CYLD: variants seen among roughly 807,000 people sequenced by gnomAD.
CYLD encodes the protein ubiquitin carboxyl-terminal hydrolase CYLD.
A neutral mutation model predicts 104.5 loss-of-function variants in CYLD; 26 were observed. That is an observed-to-expected ratio of 0.25 (90% CI 0.18 to 0.35). CYLD has a LOEUF of 0.35. Among genes scored for constraint, CYLD ranks in the 10% least tolerant of loss-of-function variants. The probability of loss-of-function intolerance (pLI) is 1.00; values close to 1 mark genes in which losing one functional copy is unlikely to be tolerated. For missense variants in CYLD, 703 were observed against 1,136.1 expected (o/e 0.62, Z 5.48); for synonymous variants, 385 against 399.9 (o/e 0.96, Z 0.45).
intron 2 of CYLD, among the ~76,000 whole-genome samples, chr16:50,745,654 T>C (rs759959353): frequency 2.0e-5 from 3 of 151,962 alleles, no homozygotes; most frequent in Non-Finnish European, 4.4e-5. Flanking sequence ...CTCCAGGGCT[T>C]AGGGGATCCT....
chr16:50,774,208 A>G (rs1303987388), intron 5 of CYLD, among the ~76,000 whole-genome samples: 1 of 152,182 alleles, frequency 6.6e-6, no homozygotes, highest in Non-Finnish European at 1.5e-5. Flanking sequence ...GGAAATTTAT[A>G]TGCTATAATT....
intron 5 of CYLD, among the ~76,000 whole-genome samples, chr16:50,766,780 GAGCT>G (rs1481173203): frequency 6.6e-6 from 1 of 152,176 alleles, no homozygotes; most frequent in Admixed American, 6.5e-5. Context: ...AGTAGCAAAA[GAGCT>G]AGAACTAGAG....
chr16:50,760,030 A>G (rs1169417734), intron 5 of CYLD, among the ~76,000 whole-genome samples: 1 of 152,242 alleles, frequency 6.6e-6, no homozygotes, highest in Non-Finnish European at 1.5e-5. Flanking sequence ...CCTTATGCAT[A>G]TCATCTAGAT....
chr16:50,797,210 A>T lies in CYLD; in HGVS notation c.*702A>T, dbSNP rs1191917345. ...GAGGATTAGGGTATTTAGCAGTTGAAGCTCTTCATTCATAGTAGTTACTGT... is the reference window on the plus strand; with the variant it reads ...GAGGATTAGGGTATTTAGCAGTTGATGCTCTTCATTCATAGTAGTTACTGT... On this transcript the variant is annotated 3_prime_UTR_variant, in exon 19 of 19. Transcript: ENST00000427738. 8.6e-6 allele frequency: 2 copies of T among 232,824 alleles called. No individual in the cohort carries two copies. Among genetic ancestry groups the T allele is most frequent in the Non-Finnish European group, 8.5e-6 (1 of 117,876 alleles). The allele number at this position is 232,824 out of a possible 1,614,324, so 14.4% of individuals were successfully genotyped here.
At chr16:50,781,473 A>C in intron 10 of CYLD, 62 bp downstream of exon 10, 9 of 1,565,436 alleles carry the variant, frequency 5.7e-6, no homozygotes, top group Admixed American at 1.7e-5. Flanking sequence ...ATCTCATATC[A>C]TGTTATATTA....
At chr16:50,753,746 A>G (rs60166717) in intron 4 of CYLD, among the ~76,000 whole-genome samples, 6,634 of 152,298 alleles carry the variant, frequency 0.044, 475 homozygotes, top group African/African-American at 0.15. Context: ...AGTTGGCACT[A>G]TATTAGAATA....
intron 3 of CYLD, 52 bp downstream of exon 3, chr16:50,750,254 CT>C: frequency 6.3e-7 from 1 of 1,592,356 alleles, no homozygotes; most frequent in South Asian, 1.1e-5. Context: ...TCATGTGTGT[CT>C]GTGTATTTGT....
In CYLD at chr16:50,786,837, AG is replaced by A. The variant is rs1970888867; in HGVS notation, c.1950-17del. On this transcript the variant is annotated splice_polypyrimidine_tract_variant and intron_variant, in intron 12 of 18. Coordinates refer to ENST00000427738, the MANE Select transcript of CYLD (RefSeq NM_001378743.1). ...TTAATACATGCCAATATCAATTAAT[AG>A]TTTTTTACTAACTTAGATATGGATA... 1 of 1,506,518 alleles carries A rather than the reference AG, an allele frequency of 6.6e-7. No homozygotes were observed. Among genetic ancestry groups the A allele is most frequent in the Admixed American group, 1.7e-5 (1 of 59,846 alleles). The allele number at this position is 1,506,518 out of a possible 1,614,324, so 93.3% of individuals were successfully genotyped here. A position where few individuals can be genotyped will look rare whatever the true frequency, so the allele number is the denominator to read the frequency against.
At position 50,800,203 on chromosome 16, in the gene CYLD, A is replaced by G. The variant is rs1199430580; in HGVS notation, c.*3695A>G. 4.3e-6 allele frequency: 1 copy of G among 232,946 alleles called. No individual in the cohort carries two copies. Among genetic ancestry groups the G allele is most frequent in the Non-Finnish European group, 8.5e-6 (1 of 117,936 alleles). The allele number at this position is 232,946 out of a possible 1,614,324, so 14.4% of individuals were successfully genotyped here. On this transcript the variant is annotated 3_prime_UTR_variant, in exon 19 of 19. Coordinates refer to ENST00000427738, the MANE Select transcript of CYLD (RefSeq NM_001378743.1). ...CTACTGAATTGTATGGGAAAAAAATACAAATTCCTGGGTCCTAGGCCATGC... is the reference window on the plus strand; with the variant it reads ...CTACTGAATTGTATGGGAAAAAAATGCAAATTCCTGGGTCCTAGGCCATGC...
chr16:50,787,768 T>A lies in CYLD; in HGVS notation c.2042-18T>A, dbSNP rs761885428. 2 of 1,458,610 alleles carry A rather than the reference T, an allele frequency of 1.4e-6. No individual in the cohort carries two copies. The highest frequency in any genetic ancestry group is 2.4e-5 in the South Asian group (2 of 83,944). The allele number at this position is 1,458,610 out of a possible 1,614,324, so 90.4% of individuals were successfully genotyped here. ...AAATTTTGCCTGTGACTTATTTGATTTTTAAATTTTCTCCTAGATCCTGAG... is the reference window on the plus strand; with the variant it reads ...AAATTTTGCCTGTGACTTATTTGATATTTAAATTTTCTCCTAGATCCTGAG... On this transcript the variant is annotated intron_variant, in intron 13 of 18. Coordinates refer to ENST00000427738, the MANE Select transcript of CYLD (RefSeq NM_001378743.1).
At chr16:50,747,894 A>G (rs1273227999) in intron 2 of CYLD, among the ~76,000 whole-genome samples, 1 of 152,200 alleles carries the variant, frequency 6.6e-6, no homozygotes, top group African/African-American at 2.4e-5. Flanking sequence ...CCTAACCTGT[A>G]TCCTGTCTTG....
rs903726337 is a variant in CYLD at position 50,796,847 on chromosome 16, C to T, written c.*339C>T. The T allele has an allele frequency of 4.8e-5, 18 of 378,328 alleles. No individual in the cohort carries two copies. In the East Asian group the frequency reaches 4.8e-4, roughly 10 times the overall value. 23.4% of individuals were successfully genotyped at this position (378,328 alleles called of 1,614,324 possible). On this transcript the variant is annotated 3_prime_UTR_variant, in exon 19 of 19. Transcript: ENST00000427738. Reference sequence around the variant, plus strand: ...TGGAAGTTTAAAGCCTCTTTTAGTCCATTGAGAATGTAAATAAATGTGTCT... The same window carrying T: ...TGGAAGTTTAAAGCCTCTTTTAGTCTATTGAGAATGTAAATAAATGTGTCT...
At chr16:50,771,551 CTG>C (rs1969151828) in intron 5 of CYLD, among the ~76,000 whole-genome samples, 1 of 152,096 alleles carries the variant, frequency 6.6e-6, no homozygotes, top group African/African-American at 2.4e-5. Context: ...CATGTGGTGA[CTG>C]TGTGTTTAGT....
In CYLD at chr16:50,799,127, T is replaced by G; in HGVS notation, c.*2619T>G. 4.3e-6 allele frequency: 1 copy of G among 233,444 alleles called. No individual in the cohort carries two copies. Among genetic ancestry groups the G allele is most frequent in the Non-Finnish European group, 8.5e-6 (1 of 118,050 alleles). The allele number at this position is 233,444 out of a possible 1,614,324, so 14.5% of individuals were successfully genotyped here. On this transcript the variant is annotated 3_prime_UTR_variant, in exon 19 of 19. Coordinates refer to ENST00000427738, the MANE Select transcript of CYLD (RefSeq NM_001378743.1). ...TTCAGCCTTAAGTTTTCTTTAATAT[T>G]TTCCTGTTGGCTATTTAAAGGTTTT...
At chr16:50,774,659 C>T (rs577959670) in intron 5 of CYLD, among the ~76,000 whole-genome samples, 14 of 152,066 alleles carry the variant, frequency 9.2e-5, no homozygotes, top group Non-Finnish European at 1.9e-4. Flanking sequence ...AGATGCTGGA[C>T]GGGGATGGGT....
chr16:50,757,460 T>C (rs994427769), intron 5 of CYLD, among the ~76,000 whole-genome samples: 1 of 152,224 alleles, frequency 6.6e-6, no homozygotes, highest in African/African-American at 2.4e-5. Context: ...TTGCTTCCCT[T>C]TGGGAACAAA....
chr16:50,787,374 A>G (rs1970955539), intron 13 of CYLD: 1 of 269,262 alleles, frequency 3.7e-6, no homozygotes. Context: ...CTTCCTAGCT[A>G]ATGGGCTTAC....
chr16:50,755,161 AC>A lies in CYLD; in HGVS notation c.913+738del, dbSNP rs1967040526. On this transcript the variant is annotated intron_variant, in intron 5 of 18. Transcript: ENST00000427738. ...CGTGTACATATGTGTGTATATACACACGTGTACATATGTGTGTGTATATACA... is the reference window on the plus strand; with the variant it reads ...CGTGTACATATGTGTGTATATACACAGTGTACATATGTGTGTGTATATACA... 1.4e-5 allele frequency among the ~76,000 whole-genome samples: 2 copies of A among 140,810 alleles called. 1 individual carries two copies. Among genetic ancestry groups the A allele is most frequent in the South Asian group, 4.3e-4 (2 of 4,684 alleles). The allele number at this position is 140,810 out of a possible 152,430, so 92.4% of individuals were successfully genotyped here. A position where few individuals can be genotyped will look rare whatever the true frequency, so the allele number is the denominator to read the frequency against.
At position 50,757,944 on chromosome 16, in the gene CYLD, C is replaced by G. The variant is rs553659690; in HGVS notation, c.913+3520C>G. ...GTTTACAAAACAGTTTAATAAAAGG[C>G]CATTCCTTCATTCAAATATTATTAA... On this transcript the variant is annotated intron_variant, in intron 5 of 18. Coordinates refer to ENST00000427738, the MANE Select transcript of CYLD (RefSeq NM_001378743.1). Among the ~76,000 whole-genome samples, 8 of 152,226 alleles carry G rather than the reference C, an allele frequency of 5.3e-5. No homozygotes were observed. In the East Asian group the frequency reaches 1.5e-3, roughly 29 times the overall value.
Sources: allele counts gnomAD v4.1 joint callset (sites outside exome capture counted in the v4.1 genomes callset), GRCh38; gene constraint gnomAD v4.1.1; transcripts MANE v1.5; gene names NCBI Gene and HGNC (gene_info 2026-07-23, HGNC 2026-07-21).